COG5: variants seen among roughly 807,000 people sequenced by gnomAD.
COG5 encodes component of oligomeric golgi complex 5.
COG5 carries 86 observed loss-of-function variants against 110.4 expected under a neutral mutation model. That is an observed-to-expected ratio of 0.78 (90% CI 0.65 to 0.93). The LOEUF is 0.93. COG5 is among the 40% of genes least tolerant of loss of function. COG5 has a pLI of 0.00. For missense variants in COG5, 1,077 were observed against 987.0 expected (o/e 1.09, Z -1.22); for synonymous variants, 360 against 334.6 (o/e 1.08, Z -0.83).
chr7:107,230,602 A>T lies in COG5; in HGVS notation c.2168+13T>A, dbSNP rs779142270. 1 of 1,589,768 alleles carries T rather than the reference A, an allele frequency of 6.3e-7. No homozygotes were observed. The highest frequency in any genetic ancestry group is 1.7e-5 in the Admixed American group (1 of 60,018). On this transcript the variant is annotated intron_variant, in intron 19 of 21. Transcript: ENST00000297135. ...GGAGGATATGAATGTATGAACAAAG[A>T]ATTCGGTCTTACCTGAATGATCTCA...
At chr7:107,274,893 C>T (rs1045838257) in intron 14 of COG5, among the ~76,000 whole-genome samples, 8 of 152,210 alleles carry the variant, frequency 5.3e-5, no homozygotes, top group Admixed American at 5.2e-4. Context: ...CTAGTATTGA[C>T]TTGCCACAGC....
rs34699008 is a variant in COG5, at chr7:107,241,428, C to CTATATATA, written c.1854-4749_1854-4742dup. Among the ~76,000 whole-genome samples, 31 of 144,832 alleles carry CTATATATA rather than the reference C, an allele frequency of 2.1e-4. 1 individual carries two copies. Among genetic ancestry groups the CTATATATA allele is most frequent in the South Asian group, 8.6e-4 (4 of 4,652 alleles). On this transcript the variant is annotated intron_variant, in intron 17 of 21. Coordinates refer to ENST00000297135, the MANE Select transcript of COG5 (RefSeq NM_006348.5). Reference sequence around the variant, plus strand: ...TATATATCTATATCCATCTATCTATCTATATATATATATATTTATTTTTTA... The same window carrying CTATATATA: ...TATATATCTATATCCATCTATCTATCTATATATATATATATATATATATTTATTTTTTA...
chr7:107,495,816 C>CAA (rs1234215617), intron 6 of COG5, among the ~76,000 whole-genome samples: 1 of 151,886 alleles, frequency 6.6e-6, no homozygotes, highest in African/African-American at 2.4e-5. Context: ...ATAGAAGACA[C>CAA]AAAAGTATTT....
chr7:107,261,466 T>G lies in COG5; in HGVS notation c.1576-3083A>C, dbSNP rs186592182. ...TTACAAAACCACAGTTGTTATCAAC[T>G]TCACAGATTTACATCGATGAAATAT... On this transcript the variant is annotated intron_variant, in intron 14 of 21. Transcript: ENST00000297135. Among the ~76,000 whole-genome samples the G allele has an allele frequency of 2.4e-3, 364 of 152,286 alleles. 1 individual carries two copies. Among genetic ancestry groups the G allele is most frequent in the Non-Finnish European group, 3.8e-3 (260 of 68,028 alleles).
chr7:107,427,562 G>A (rs571670330), intron 6 of COG5, among the ~76,000 whole-genome samples: 3 of 152,084 alleles, frequency 2.0e-5, no homozygotes, highest in East Asian at 1.9e-4. Flanking sequence ...TTTCCCAGGT[G>A]TAATACAGTT....
At chr7:107,318,709 G>A (rs968988733) in intron 11 of COG5, among the ~76,000 whole-genome samples, 5 of 152,096 alleles carry the variant, frequency 3.3e-5, no homozygotes, top group African/African-American at 1.2e-4. Context: ...GAGTGAGTAA[G>A]CTCTCTCGCG....
intron 6 of COG5, among the ~76,000 whole-genome samples, chr7:107,415,172 G>A (rs1792628117): frequency 6.6e-6 from 1 of 152,196 alleles, no homozygotes; most frequent in South Asian, 2.1e-4. Flanking sequence ...AAGAAAACTA[G>A]ATGAATGAGG....
chr7:107,413,633 C>T (rs1792479740), intron 6 of COG5, among the ~76,000 whole-genome samples: 1 of 151,984 alleles, frequency 6.6e-6, no homozygotes, highest in Non-Finnish European at 1.5e-5. Context: ...CTAAATTTCC[C>T]CTCCCATTTA....
At chr7:107,480,228 GAGA>G (rs1797255167) in intron 6 of COG5, among the ~76,000 whole-genome samples, 2 of 152,192 alleles carry the variant, frequency 1.3e-5, no homozygotes, top group African/African-American at 2.4e-5. Context: ...TTTGGCAACT[GAGA>G]AGGTTATATT....
intron 10 of COG5, among the ~76,000 whole-genome samples, chr7:107,343,761 G>T (rs528835831): frequency 3.9e-5 from 6 of 152,180 alleles, no homozygotes; most frequent in African/African-American, 1.4e-4. Flanking sequence ...GCTGTAGAAT[G>T]GATGTTATGT....
chr7:107,320,788 C>T (rs757969973), intron 11 of COG5, among the ~76,000 whole-genome samples: 15 of 152,156 alleles, frequency 9.9e-5, no homozygotes, highest in South Asian at 2.1e-4. Context: ...AATTACAGGA[C>T]TCTCTGAGAG....
rs192574455 is a variant in COG5, at chr7:107,368,575, T to C, written c.835+4020A>G. On this transcript the variant is annotated intron_variant, in intron 8 of 21. Coordinates refer to ENST00000297135, the MANE Select transcript of COG5 (RefSeq NM_006348.5). ...TGTTTATGTTTTTCTTTAAGTTTTATAATAAAAAGGTATTTTTAAAAAGCA... is the reference window on the plus strand; with the variant it reads ...TGTTTATGTTTTTCTTTAAGTTTTACAATAAAAAGGTATTTTTAAAAAGCA... Among the ~76,000 whole-genome samples, 683 of 152,272 alleles carry C rather than the reference T, an allele frequency of 4.5e-3. 18 individuals are homozygous for C. Among genetic ancestry groups the C allele is most frequent in the Non-Finnish European group, 5.9e-4 (40 of 68,010 alleles).
At chr7:107,269,091 G>C (rs1804034564) in intron 14 of COG5, among the ~76,000 whole-genome samples, 1 of 152,040 alleles carries the variant, frequency 6.6e-6, no homozygotes, top group Non-Finnish European at 1.5e-5. Context: ...TCAACTGATA[G>C]TTTCCTTTTT....
chr7:107,366,439 TG>T (rs1442163508), intron 8 of COG5, among the ~76,000 whole-genome samples: 2 of 151,862 alleles, frequency 1.3e-5, no homozygotes, highest in Non-Finnish European at 2.9e-5. Context: ...AAAGAACAAA[TG>T]GAACAGGAAA....
At chr7:107,318,295 C>G (rs57525841) in intron 11 of COG5, among the ~76,000 whole-genome samples, 25,950 of 151,974 alleles carry the variant, frequency 0.17, 2,482 homozygotes, top group Non-Finnish European at 0.22. Context: ...CAAAGTGCTG[C>G]GATTACAGGC....
rs753366262 is a variant in COG5, at chr7:107,475,390, C to T, written c.538+51847G>A. 35 of 1,023,246 alleles carry T rather than the reference C, an allele frequency of 3.4e-5. No homozygotes were observed. The East Asian group carries it at 8.2e-4, about 24-fold the overall frequency. The allele number at this position is 1,023,246 out of a possible 1,614,324, so 63.4% of individuals were successfully genotyped here. A position where few individuals can be genotyped will look rare whatever the true frequency, so the allele number is the denominator to read the frequency against. On this transcript the variant is annotated intron_variant, in intron 6 of 21. Transcript: ENST00000297135. Reference sequence around the variant, plus strand: ...AAAAGTCTCAGTTTCACCAAATCCACATTCAAATGAGTTTTAAATTTAAAT... The same window carrying T: ...AAAAGTCTCAGTTTCACCAAATCCATATTCAAATGAGTTTTAAATTTAAAT...
rs867815646 is a variant in COG5, at chr7:107,415,958, G to A, written c.539-3326C>T. On this transcript the variant is annotated intron_variant, in intron 6 of 21. Coordinates refer to ENST00000297135, the MANE Select transcript of COG5 (RefSeq NM_006348.5). ...CATACACGTATGTATGTATGTGTGTGTATATACACACACATACACGTATGT... is the reference window on the plus strand; with the variant it reads ...CATACACGTATGTATGTATGTGTGTATATATACACACACATACACGTATGT... 4.8e-3 allele frequency among the ~76,000 whole-genome samples: 355 copies of A among 74,190 alleles called. 9 individuals are homozygous for A. Among genetic ancestry groups the A allele is most frequent in the Admixed American group, 9.1e-3 (76 of 8,390 alleles). The allele number at this position is 74,190 out of a possible 152,430, so 48.7% of individuals were successfully genotyped here.
chr7:107,226,320 C>T (rs1800333016), intron 19 of COG5, among the ~76,000 whole-genome samples: 1 of 152,138 alleles, frequency 6.6e-6, no homozygotes, highest in Admixed American at 6.5e-5. Context: ...TTGGATGATG[C>T]CTATTCTTTG....
intron 10 of COG5, among the ~76,000 whole-genome samples, chr7:107,350,037 A>G (rs1315753395): frequency 1.3e-5 from 2 of 152,192 alleles, no homozygotes; most frequent in Non-Finnish European, 1.5e-5. Flanking sequence ...CATTAGGTTG[A>G]GAAAGCTTCC....
Sources: gnomAD v4.1 joint callset for allele counts (sites outside exome capture counted in the v4.1 genomes callset) on GRCh38, gnomAD v4.1.1 for gene constraint, MANE v1.5 for transcripts, NCBI Gene and HGNC (gene_info 2026-07-23, HGNC 2026-07-21) for gene names.